Variants in TMEM26 observed in about 807,000 individuals in gnomAD.
The protein encoded by TMEM26 is transmembrane protein 26.
In TMEM26, 38 loss-of-function variants were observed where a neutral mutation model predicts 28.8. The ratio of observed to expected loss-of-function variants is 1.32; its 90% confidence interval spans 1.02 to 1.73. The LOEUF is 1.73. Among genes scored for constraint, TMEM26 ranks in the 40% most tolerant of loss-of-function variants. The pLI is 0.00. For synonymous variants in TMEM26, 227 were observed against 182.9 expected (o/e 1.24, Z -1.95); for missense variants, 518 against 447.1 (o/e 1.16, Z -1.43).
At position 61,410,597 on chromosome 10, in the gene TMEM26, A is replaced by T. The variant is rs1284370027; in HGVS notation, c.832T>A (p.Tyr278Asn). ...AGCATCTGATTGATCACTTTGAAAT[A>T]GGTCATCAGTATGAGACGCACGACA... ...FLVVRLILMTYFKVINQMLVF... is the reference protein window; with the variant it reads ...FLVVRLILMTNFKVINQMLVF... The change falls in exon 6 of 6, where the codon TAT (tyrosine) becomes AAT (asparagine). Residue 278 changes from tyrosine (Y) to asparagine (N), a missense_variant. Coordinates refer to ENST00000399298, the MANE Select transcript of TMEM26 (RefSeq NM_178505.8). 6.2e-7 allele frequency: 1 copy of T among 1,614,040 alleles called. No individual in the cohort carries two copies. The highest frequency in any genetic ancestry group is 8.5e-7 in the Non-Finnish European group (1 of 1,180,028).
At chr10:61,413,607 GT>G in intron 4 of TMEM26, 72 bp from the exon 5 acceptor site, 3 of 1,480,426 alleles carry the variant, frequency 2.0e-6, no homozygotes, top group South Asian at 1.5e-5. Context: ...TCTCAGTCAA[GT>G]TTTTTAGTAT....
At chr10:61,418,377 C>T (rs1036533952) in intron 4 of TMEM26, among the ~76,000 whole-genome samples, 5 of 151,880 alleles carry the variant, frequency 3.3e-5, no homozygotes, top group Non-Finnish European at 7.4e-5. Context: ...ACAGATGGCT[C>T]CCAGGTCCTT....
At chr10:61,419,172 G>C (rs747523501) in intron 4 of TMEM26, among the ~76,000 whole-genome samples, 11 of 152,090 alleles carry the variant, frequency 7.2e-5, no homozygotes, top group Admixed American at 1.3e-4. Flanking sequence ...GCCTCAGGTG[G>C]TGGCAGTGGT....
intron 1 of TMEM26, among the ~76,000 whole-genome samples, chr10:61,448,787 A>G (rs760535790): frequency 5.1e-4 from 78 of 152,216 alleles, no homozygotes; most frequent in Non-Finnish European, 1.0e-3. Context: ...TTATTAACTC[A>G]CAAATGATAT....
chr10:61,427,762 T>C (rs1032088580), intron 4 of TMEM26, among the ~76,000 whole-genome samples: 2 of 152,270 alleles, frequency 1.3e-5, no homozygotes, highest in African/African-American at 4.8e-5. Flanking sequence ...GTGGAGTTAA[T>C]TATCTTTCTA....
intron 2 of TMEM26, among the ~76,000 whole-genome samples, chr10:61,434,770 A>G (rs1589038189): frequency 6.6e-6 from 1 of 152,314 alleles, no homozygotes; most frequent in East Asian, 1.9e-4. Flanking sequence ...ACAGAACTAA[A>G]TTCCCCTTTG....
rs954025730 is a variant in TMEM26 at position 61,416,256 on chromosome 10, G to T, written c.606-2721C>A. The T allele has an allele frequency of 3.0e-5, 11 of 365,502 alleles. No homozygotes were observed. The Admixed American group carries it at 3.1e-4, about 10-fold the overall frequency. The allele number at this position is 365,502 out of a possible 1,614,324, so 22.6% of individuals were successfully genotyped here. On this transcript the variant is annotated intron_variant, in intron 4 of 5. Coordinates refer to ENST00000399298, the MANE Select transcript of TMEM26 (RefSeq NM_178505.8). ...TTCTACCAAAAACTATGTGCAATTT[G>T]CCTGCAAGGCAGTAGAAAGCAGTGG...
intron 1 of TMEM26, among the ~76,000 whole-genome samples, chr10:61,447,586 T>C (rs780979486): frequency 6.6e-6 from 1 of 152,132 alleles, no homozygotes; most frequent in Non-Finnish European, 1.5e-5. Flanking sequence ...TAAAATGAAG[T>C]ATTGTAAAGT....
chr10:61,435,566 C>T (rs1310251068), intron 2 of TMEM26, among the ~76,000 whole-genome samples: 2 of 152,192 alleles, frequency 1.3e-5, no homozygotes, highest in East Asian at 3.9e-4. Context: ...GACTCCTCCC[C>T]TTTAATCTTA....
At position 61,450,048 on chromosome 10, in the gene TMEM26, T is replaced by C. The variant is rs74157972; in HGVS notation, c.191+2843A>G. ...TCACAATTCTTAACTATTCCTCTGA[T>C]GGACAATCAGTATGCTTTCAGCTTT... On this transcript the variant is annotated intron_variant, in intron 1 of 5. Transcript: ENST00000399298. 8.0e-3 allele frequency among the ~76,000 whole-genome samples: 1,221 copies of C among 152,260 alleles called. 22 individuals are homozygous for C. Among genetic ancestry groups the C allele is most frequent in the African/African-American group, 0.028 (1,163 of 41,544 alleles).
intron 4 of TMEM26, among the ~76,000 whole-genome samples, chr10:61,428,093 T>G (rs1839860837): frequency 6.6e-6 from 1 of 152,122 alleles, no homozygotes; most frequent in Admixed American, 6.6e-5. Flanking sequence ...GGTAAGTTAG[T>G]GTATTTCGTT....
At chr10:61,449,926 T>A (rs535820583) in intron 1 of TMEM26, among the ~76,000 whole-genome samples, 55 of 152,302 alleles carry the variant, frequency 3.6e-4, no homozygotes, top group Admixed American at 1.2e-3. Context: ...ATAACTTTAG[T>A]GTCCTGATAA....
chr10:61,413,466 G>A lies in TMEM26; in HGVS notation c.675C>T (p.Asp225=), dbSNP rs372433845. ...AAACATCAGGATACTTACCTGCCAGGTCAAGTGGAAACTGCAGCATGCTCC... is the reference window on the plus strand; with the variant it reads ...AAACATCAGGATACTTACCTGCCAGATCAAGTGGAAACTGCAGCATGCTCC... The part of the protein sequence containing the change: ...WTWSMLQFPL[D]LAVQNVVCPV... Residue 225 remains aspartate (D), a synonymous_variant, in exon 5 of 6, where the codon GAC becomes GAT. Transcript: ENST00000399298. The A allele has an allele frequency of 8.8e-5, 142 of 1,612,710 alleles. No homozygotes were observed. In the African/African-American group the frequency reaches 1.7e-3, roughly 19 times the overall value.
At chr10:61,443,634 A>G (rs1429155605) in intron 1 of TMEM26, among the ~76,000 whole-genome samples, 1 of 152,242 alleles carries the variant, frequency 6.6e-6, no homozygotes, top group Admixed American at 6.5e-5. Context: ...AAGATTGTCT[A>G]TATTCAGATT....
At chr10:61,444,230 T>A (rs1840141147) in intron 1 of TMEM26, among the ~76,000 whole-genome samples, 1 of 152,218 alleles carries the variant, frequency 6.6e-6, no homozygotes, top group Admixed American at 6.5e-5. Context: ...TAACTATACA[T>A]ATTTTCTATT....
chr10:61,441,779 T>A (rs1323134159), intron 1 of TMEM26, among the ~76,000 whole-genome samples: 6 of 152,190 alleles, frequency 3.9e-5, no homozygotes, highest in African/African-American at 1.4e-4. Flanking sequence ...GAAACTCAGA[T>A]TTATTAGAAT....
At chr10:61,416,195 T>A (rs983220078) in intron 4 of TMEM26, 2 of 416,868 alleles carry the variant, frequency 4.8e-6, no homozygotes. Flanking sequence ...TTTCACAAGA[T>A]CTTTTGAAGT....
intron 1 of TMEM26, among the ~76,000 whole-genome samples, chr10:61,443,228 G>A (rs1365875084): frequency 5.3e-5 from 8 of 151,618 alleles, no homozygotes; most frequent in East Asian, 1.9e-4. Flanking sequence ...CGAGGTGGGC[G>A]GATAACAAGG....
intron 4 of TMEM26, among the ~76,000 whole-genome samples, chr10:61,424,789 T>C (rs1044559538): frequency 6.6e-6 from 1 of 152,154 alleles, no homozygotes; most frequent in Non-Finnish European, 1.5e-5. Context: ...CCGCTGATTT[T>C]TGACAAAGAT....
Sources: allele counts gnomAD v4.1 joint callset (sites outside exome capture counted in the v4.1 genomes callset), GRCh38; gene constraint gnomAD v4.1.1; transcripts MANE v1.5; gene names NCBI Gene and HGNC (gene_info 2026-07-23, HGNC 2026-07-21).